The following ABCC4 variants were observed in gnomAD, a reference collection of about 807,000 sequenced individuals.
ABCC4 encodes the protein ATP-binding cassette sub-family C member 4.
In ABCC4, 102 loss-of-function variants were observed where a neutral mutation model predicts 168.5. The observed-to-expected ratio is 0.61, with a 90% CI of 0.52 to 0.71. The LOEUF (loss-of-function observed/expected upper bound fraction) is 0.71. ABCC4 is among the 30% of genes least tolerant of loss of function. The pLI is 0.00. For missense variants in ABCC4, 1,402 were observed against 1,605.8 expected (o/e 0.87, Z 2.17); for synonymous variants, 617 against 590.7 (o/e 1.04, Z -0.65).
In ABCC4 at chr13:95,020,578, C is replaced by A. The variant is rs1337189311; in HGVS notation, c.*997G>T. 6.6e-6 allele frequency: 1 copy of A among 152,322 alleles called. No homozygotes were observed. The highest frequency in any genetic ancestry group is 2.4e-5 in the African/African-American group (1 of 41,440). The allele number at this position is 152,322 out of a possible 1,614,324, so 9.4% of individuals were successfully genotyped here. ...TGAACCCCTGGATGCATCCTGAGAA[C>A]GTACTGCATAATTATAGTCAATGCT... On this transcript the variant is annotated 3_prime_UTR_variant, in exon 31 of 31. Coordinates refer to ENST00000645237, the MANE Select transcript of ABCC4 (RefSeq NM_005845.5).
At position 95,194,905 on chromosome 13, in the gene ABCC4, G is replaced by A; in HGVS notation, c.1194C>T (p.Arg398=). ...TACCATCTGACGGCAGCTGACGGTT[G>A]CGCTGTGATATCTCATCAAGTAGCA... ...TFLLLDEISQ[R]NRQLPSDGKK... Residue 398 remains arginine (R), a synonymous_variant, in exon 9 of 31, where the codon CGC becomes CGT. Coordinates refer to ENST00000645237, the MANE Select transcript of ABCC4 (RefSeq NM_005845.5). 1.2e-6 allele frequency: 2 copies of A among 1,614,108 alleles called. No individual in the cohort carries two copies. Among genetic ancestry groups the A allele is most frequent in the Non-Finnish European group, 1.7e-6 (2 of 1,180,012 alleles).
At chr13:95,041,563 C>T (rs528651012) in intron 29 of ABCC4, among the ~76,000 whole-genome samples, 16 of 152,302 alleles carry the variant, frequency 1.1e-4, no homozygotes, top group South Asian at 1.0e-3. Context: ...CTGAGCCTGC[C>T]TTTTGGAGTG....
In ABCC4 at chr13:95,075,509, C is replaced by T. The variant is rs761323924; in HGVS notation, c.2729G>A (p.Gly910Glu). ...VFSHLSSSLQ[G>E]LWTIRAYKAE... ...TTTGTATGCCCGGATGGTCCAGAGC[C>T]CCTGGAGAGAAGATGATAAGTGGGA... The change falls in exon 22 of 31, where the codon GGG (glycine) becomes GAG (glutamate). Residue 910 changes from glycine to glutamate, a missense_variant. This residue lies in a region of ABCC4 where 1,007 missense variants were observed against 1,127.3 expected (regional missense o/e 0.89). Transcript: ENST00000645237. The T allele has an allele frequency of 1.2e-6, 2 of 1,614,014 alleles. No homozygotes were observed. Among genetic ancestry groups the T allele is most frequent in the Non-Finnish European group, 1.7e-6 (2 of 1,179,980 alleles).
intron 19 of ABCC4, among the ~76,000 whole-genome samples, chr13:95,140,986 C>T (rs2036300706): frequency 6.6e-6 from 1 of 152,162 alleles, no homozygotes; most frequent in African/African-American, 2.4e-5. Flanking sequence ...GCATTCAAAA[C>T]CTGGTTGCAT....
rs577032772 is a variant in ABCC4, at chr13:95,218,623, G to A, written c.532-7842C>T. On this transcript the variant is annotated intron_variant, in intron 4 of 30. Transcript: ENST00000645237. Reference sequence around the variant, plus strand: ...TCCCAGCACTTTAGAAGACCAAGGCGGCAAGATCACATGAGCCCAGGAGTT... The same window carrying A: ...TCCCAGCACTTTAGAAGACCAAGGCAGCAAGATCACATGAGCCCAGGAGTT... Among the ~76,000 whole-genome samples the A allele has an allele frequency of 3.3e-5, 5 of 152,088 alleles. No homozygotes were observed. In the Middle Eastern group the frequency reaches 0.01, roughly 310 times the overall value.
chr13:95,291,673 G>C (rs2041408677), intron 1 of ABCC4, among the ~76,000 whole-genome samples: 1 of 152,152 alleles, frequency 6.6e-6, no homozygotes, highest in Admixed American at 6.6e-5. Context: ...CGGACTGTGA[G>C]GTCAATTGGC....
chr13:95,230,605 T>A (rs904491154), intron 4 of ABCC4, among the ~76,000 whole-genome samples: 1 of 152,144 alleles, frequency 6.6e-6, no homozygotes, highest in Admixed American at 6.6e-5. Flanking sequence ...TGAAACCCTG[T>A]CTCTATTAAA....
At chr13:95,272,725 T>TA (rs1384180931) in intron 1 of ABCC4, among the ~76,000 whole-genome samples, 1 of 151,866 alleles carries the variant, frequency 6.6e-6, no homozygotes, top group African/African-American at 2.4e-5. Context: ...CTGTCTCTAC[T>TA]AAAAATCCAA....
At chr13:95,037,057 C>T (rs1371732347) in intron 29 of ABCC4, among the ~76,000 whole-genome samples, 1 of 123,676 alleles carries the variant, frequency 8.1e-6, no homozygotes. Context: ...GCACTCCAGC[C>T]TGGGCAACAG....
chr13:95,126,226 T>C (rs949025909), intron 19 of ABCC4, among the ~76,000 whole-genome samples: 1 of 152,144 alleles, frequency 6.6e-6, no homozygotes, highest in Non-Finnish European at 1.5e-5. Flanking sequence ...GCTCATGGAA[T>C]ATCTCCAAAA....
intron 20 of ABCC4, among the ~76,000 whole-genome samples, chr13:95,110,021 C>T (rs989564745): frequency 9.2e-5 from 14 of 152,030 alleles, no homozygotes; most frequent in Non-Finnish European, 1.8e-4. Flanking sequence ...AAGAATGACA[C>T]GTATTGGCCA....
intron 27 of ABCC4, among the ~76,000 whole-genome samples, chr13:95,052,324 G>T (rs1346822926): frequency 6.6e-6 from 1 of 152,200 alleles, no homozygotes; most frequent in Non-Finnish European, 1.5e-5. Context: ...ACTAGGTCCT[G>T]TGAGGGATTA....
rs373606580 is a variant in ABCC4 at position 95,196,582 on chromosome 13, G to A, written c.1162-1645C>T. Reference sequence around the variant, plus strand: ...AAAGGAAAGGAGGAAAGGAGGAAAGGAGGAAGGAAGGAAGGAAGGAAGGAA... The same window carrying A: ...AAAGGAAAGGAGGAAAGGAGGAAAGAAGGAAGGAAGGAAGGAAGGAAGGAA... On this transcript the variant is annotated intron_variant, in intron 8 of 30. Transcript: ENST00000645237. Among the ~76,000 whole-genome samples, 167 of 88,094 alleles carry A rather than the reference G, an allele frequency of 1.9e-3. 11 individuals carry two copies. The South Asian group carries it at 0.058, about 31-fold the overall frequency. The allele number at this position is 88,094 out of a possible 152,430, so 57.8% of individuals were successfully genotyped here. A position where few individuals can be genotyped will look rare whatever the true frequency, so the allele number is the denominator to read the frequency against.
chr13:95,291,743 T>C (rs2041410270), intron 1 of ABCC4, among the ~76,000 whole-genome samples: 1 of 152,144 alleles, frequency 6.6e-6, no homozygotes, highest in African/African-American at 2.4e-5. Context: ...TGACATAAAC[T>C]TCCTGACCAC....
In ABCC4 at chr13:95,023,478, A is replaced by G. The variant is rs568973978; in HGVS notation, c.3871-1796T>C. Among the ~76,000 whole-genome samples the G allele has an allele frequency of 1.4e-4, 21 of 152,324 alleles. No homozygotes were observed. The South Asian group carries it at 4.4e-3, about 32-fold the overall frequency. On this transcript the variant is annotated intron_variant, in intron 30 of 30. Transcript: ENST00000645237. ...ACTTTTAGCAAAGCCCTCATGTTGT[A>G]AGCTATGTCTGGGATAGACAGGTCC...
chr13:95,021,829 C>T (rs1477382607), intron 30 of ABCC4, 147 bp from the exon 31 acceptor site: 1 of 639,902 alleles, frequency 1.6e-6, no homozygotes, highest in East Asian at 2.7e-5. Flanking sequence ...GATGAATCTA[C>T]TGTACAGAGA....
chr13:95,210,175 T>C (rs115528960), intron 5 of ABCC4, among the ~76,000 whole-genome samples: 376 of 152,296 alleles, frequency 2.5e-3, no homozygotes, highest in African/African-American at 8.5e-3. Flanking sequence ...CGCTACAAGG[T>C]AAGTATTAAA....
chr13:95,152,251 G>A (rs1227882054), intron 19 of ABCC4, among the ~76,000 whole-genome samples: 1 of 152,056 alleles, frequency 6.6e-6, no homozygotes, highest in Non-Finnish European at 1.5e-5. Context: ...AAAGAAAATT[G>A]GAAGCAAGAG....
chr13:95,300,419 G>A (rs977572457), intron 1 of ABCC4, among the ~76,000 whole-genome samples: 1 of 152,224 alleles, frequency 6.6e-6, no homozygotes. Context: ...TCGTGGCGGT[G>A]CATGTCCCAG....
Sources: allele counts gnomAD v4.1 joint callset (sites outside exome capture counted in the v4.1 genomes callset), GRCh38; gene constraint gnomAD v4.1.1; regional missense constraint gnomAD v4.1.1; transcripts MANE v1.5; gene names NCBI Gene and HGNC (gene_info 2026-07-23, HGNC 2026-07-21).